LRP1: variants seen among roughly 807,000 people sequenced by gnomAD.
The protein encoded by LRP1 is prolow-density lipoprotein receptor-related protein 1.
A neutral mutation model predicts 541.5 loss-of-function variants in LRP1; 51 were observed. The observed-to-expected ratio is 0.09, with a 90% CI of 0.08 to 0.12. The LOEUF is 0.12. Among genes scored for constraint, LRP1 ranks in the 10% least tolerant of loss-of-function variants. The probability of loss-of-function intolerance (pLI) is 1.00; values close to 1 mark genes in which losing one functional copy is unlikely to be tolerated. For synonymous variants in LRP1, 2,219 were observed against 2,470.8 expected, an observed-to-expected ratio of 0.90 and a Z score of 3.02; for missense variants, 3,878 against 6,376.2, an observed-to-expected ratio of 0.61 and a Z score of 13.34.
chr12:57,143,692 C>T lies in LRP1; in HGVS notation c.342C>T (p.Asn114=). Residue 114 remains asparagine, a synonymous_variant, in exon 4 of 89, where the codon AAC becomes AAT. Transcript: ENST00000243077. ...GCCCCCACACAGAGCTCCAAGGCAACTGCTCTCGCCTGGGCTGCCAGCACC... is the reference window on the plus strand; with the variant it reads ...GCCCCCACACAGAGCTCCAAGGCAATTGCTCTCGCCTGGGCTGCCAGCACC... ...EGPHCRELQG[N]CSRLGCQHHC... 2 of 1,613,668 alleles carry T rather than the reference C, an allele frequency of 1.2e-6. No homozygotes were observed. Among genetic ancestry groups the T allele is most frequent in the Non-Finnish European group, 1.7e-6 (2 of 1,179,628 alleles).
intron 6 of LRP1, among the ~76,000 whole-genome samples, 187 bp downstream of exon 6, chr12:57,145,677 T>C (rs1200185808): frequency 6.6e-6 from 1 of 152,118 alleles, no homozygotes; most frequent in Non-Finnish European, 1.5e-5. Flanking sequence ...CCCTCCCAGC[T>C]CTCTGAGCAA....
At chr12:57,155,332 C>T (rs1479531836) in intron 8 of LRP1, 1 of 163,726 alleles carries the variant, frequency 6.1e-6, no homozygotes, top group Non-Finnish European at 1.3e-5. Flanking sequence ...AGAATGTCCT[C>T]TGTGGACAGA....
rs973275203 is a variant in LRP1, at chr12:57,178,038, C to G, written c.4362-321C>G. Among the ~76,000 whole-genome samples, 4 of 151,670 alleles carry G rather than the reference C, an allele frequency of 2.6e-5. No homozygotes were observed. The highest frequency in any genetic ancestry group is 4.8e-5 in the African/African-American group (2 of 41,304). ...ATCTCGGCTCACTGCAGGCTCCGCCCCCCGGGGTTCACGCTGAGGGTGCCT... is the reference window on the plus strand; with the variant it reads ...ATCTCGGCTCACTGCAGGCTCCGCCGCCCGGGGTTCACGCTGAGGGTGCCT... On this transcript the variant is annotated intron_variant, in intron 26 of 88. Transcript: ENST00000243077. The surrounding 1 kb of genome is among the most constrained non-coding windows in gnomAD (Gnocchi z 5.8).
At chr12:57,149,382 C>T in intron 6 of LRP1, 1 of 540,366 alleles carries the variant, frequency 1.9e-6, no homozygotes. Context: ...CCGGGCCAGC[C>T]CTGTGTCTCC....
In LRP1 at chr12:57,184,511, C is replaced by T. The variant is rs2036230182; in HGVS notation, c.6186+59C>T. ...TAGACCCCTGACCCAGGCTCCTGTTCCCTGTGATGAGCCCATTCTGGGAGG... is the reference window on the plus strand; with the variant it reads ...TAGACCCCTGACCCAGGCTCCTGTTTCCTGTGATGAGCCCATTCTGGGAGG... On this transcript the variant is annotated intron_variant, in intron 38 of 88. Transcript: ENST00000243077. The surrounding 1 kb of genome is among the most constrained non-coding windows in gnomAD (Gnocchi z 7.8). 2 of 1,605,040 alleles carry T rather than the reference C, an allele frequency of 1.2e-6. No homozygotes were observed. The highest frequency in any genetic ancestry group is 1.7e-6 in the Non-Finnish European group (2 of 1,175,956).
intron 1 of LRP1, among the ~76,000 whole-genome samples, chr12:57,137,711 G>A (rs559501759): frequency 1.1e-4 from 16 of 151,936 alleles, no homozygotes; most frequent in African/African-American, 3.4e-4. Context: ...CAGGAGAATC[G>A]CCTGGGCCCA....
In LRP1 at chr12:57,185,078, C is replaced by T; in HGVS notation, c.6339-3C>T. 2.5e-6 allele frequency: 4 copies of T among 1,614,158 alleles called. No homozygotes were observed. Among genetic ancestry groups the T allele is most frequent in the Non-Finnish European group, 3.4e-6 (4 of 1,180,034 alleles). On this transcript the variant is annotated splice_region_variant and splice_polypyrimidine_tract_variant and intron_variant, in intron 39 of 88. Coordinates refer to ENST00000243077, the MANE Select transcript of LRP1 (RefSeq NM_002332.3). The surrounding 1 kb of genome is among the most constrained non-coding windows in gnomAD (Gnocchi z 4.9). ...CCCTGCTTGTGCCCTGTCCTTCCCT[C>T]AGGACTCATGCCAACGGCTCTATCA...
At chr12:57,155,837 A>G (rs1347790866) in intron 8 of LRP1, among the ~76,000 whole-genome samples, 1 of 152,126 alleles carries the variant, frequency 6.6e-6, no homozygotes, top group African/African-American at 2.4e-5. Context: ...TGTAGTCCCA[A>G]CTACTCAGGA....
chr12:57,150,589 C>G (rs1197958198), intron 6 of LRP1, among the ~76,000 whole-genome samples: 1 of 152,140 alleles, frequency 6.6e-6, no homozygotes, highest in Non-Finnish European at 1.5e-5. Context: ...ACCTGGAGGG[C>G]CCACCTAGAG....
intron 6 of LRP1, among the ~76,000 whole-genome samples, chr12:57,150,348 C>T (rs1402346028): frequency 5.9e-5 from 9 of 152,112 alleles, no homozygotes; most frequent in African/African-American, 1.4e-4. Context: ...CCCGCCACCA[C>T]GCCTGGCTAA....
In LRP1 at chr12:57,199,345, C is replaced by T. The variant is rs145068367; in HGVS notation, c.9810C>T (p.Ser3270=). 2.1e-5 allele frequency: 34 copies of T among 1,613,064 alleles called. No homozygotes were observed. The highest frequency in any genetic ancestry group is 2.6e-5 in the Non-Finnish European group (31 of 1,179,918). The change falls in exon 61 of 89, where the codon AGC becomes AGT. Residue 3270 remains serine, a synonymous_variant. Coordinates refer to ENST00000243077, the MANE Select transcript of LRP1 (RefSeq NM_002332.3). ...TTGTNKTLLI[S]TLHRPMDLHV... ...GCACCAACAAAACGCTCCTCATCAG[C>T]ACGCTGCACCGGCCCATGGACCTGC... is the stretch of plus-strand genomic sequence containing the variant.
chr12:57,177,382 T>C lies in LRP1; in HGVS notation c.4197-45T>C, dbSNP rs779912776. 1.5e-5 allele frequency: 24 copies of C among 1,561,490 alleles called. No homozygotes were observed. The highest frequency in any genetic ancestry group is 2.0e-5 in the Non-Finnish European group (23 of 1,149,152). ...CTACGATCCCACCACAGTCGCTCCCTGAGGGCCCTGACTTTAGCCCTCCTG... is the reference window on the plus strand; with the variant it reads ...CTACGATCCCACCACAGTCGCTCCCCGAGGGCCCTGACTTTAGCCCTCCTG... On this transcript the variant is annotated intron_variant, in intron 25 of 88. Transcript: ENST00000243077. This position sits in a 1 kb window ranked among gnomAD's most constrained non-coding sequence, Gnocchi z 6.8.
In LRP1 at chr12:57,156,854, C is replaced by A; in HGVS notation, c.1495C>A (p.His499Asn). 6.2e-7 allele frequency: 1 copy of A among 1,602,266 alleles called. No homozygotes were observed. Among genetic ancestry groups the A allele is most frequent in the Non-Finnish European group, 8.5e-7 (1 of 1,177,188 alleles). ...TGACATCTGCCTGCTGGCCAACAGC[C>A]ACAAGGCGCGGACCTGCCGCTGCCG... Reference protein sequence around the residue: ...CSDICLLANSHKARTCRCRSG... With the variant: ...CSDICLLANSNKARTCRCRSG... The change falls in exon 10 of 89, where the codon CAC (histidine) becomes AAC (asparagine). Residue 499 changes from histidine to asparagine, a missense_variant. Around this residue, in one of 13 missense-constraint regions of LRP1, gnomAD observed 496 missense variants for 861.0 expected, o/e 0.58. Transcript: ENST00000243077. This position sits in a 1 kb window ranked among gnomAD's most constrained non-coding sequence, Gnocchi z 5.2.
chr12:57,158,496 G>T lies in LRP1; in HGVS notation c.1656G>T (p.Met552Ile), dbSNP rs1300376436. 1 of 1,614,072 alleles carries T rather than the reference G, an allele frequency of 6.2e-7. No homozygotes were observed. Among genetic ancestry groups the T allele is most frequent in the African/African-American group, 1.3e-5 (1 of 74,930 alleles). The change falls in exon 11 of 89, where the codon ATG (methionine) becomes ATT (isoleucine). Residue 552 changes from methionine (M) to isoleucine (I), a missense_variant. Coordinates refer to ENST00000243077, the MANE Select transcript of LRP1 (RefSeq NM_002332.3). The surrounding 1 kb of genome is among the most constrained non-coding windows in gnomAD (Gnocchi z 5.3). ...GGGCCAAGGTCCCGGATGAGCACAT[G>T]ATCCCCATTGAAAACCTCATGAACC... The part of the protein sequence containing the change: ...DMGAKVPDEH[M>I]IPIENLMNPR...
chr12:57,149,553 G>A (rs2035485019), intron 6 of LRP1: 1 of 675,502 alleles, frequency 1.5e-6, no homozygotes. Context: ...TCTCAATAGA[G>A]GGAAGACCCT....
intron 4 of LRP1, 35 bp downstream of exon 4, chr12:57,143,833 G>A (rs751258313): frequency 6.3e-7 from 1 of 1,590,552 alleles, no homozygotes; most frequent in South Asian, 1.1e-5. Flanking sequence ...GCATGTGTGT[G>A]TGCCAGTAGC....
rs1436396359 is a variant in LRP1, at chr12:57,205,802, AT to A, written c.11590+126del. 1 of 1,392,610 alleles carries A rather than the reference AT, an allele frequency of 7.2e-7. No homozygotes were observed. Among genetic ancestry groups the A allele is most frequent in the Non-Finnish European group, 9.7e-7 (1 of 1,035,566 alleles). 86.3% of individuals were successfully genotyped at this position (1,392,610 alleles called of 1,614,324 possible). A position where few individuals can be genotyped will look rare whatever the true frequency, so the allele number is the denominator to read the frequency against. On this transcript the variant is annotated intron_variant, in intron 75 of 88. Coordinates refer to ENST00000243077, the MANE Select transcript of LRP1 (RefSeq NM_002332.3). This position sits in a 1 kb window ranked among gnomAD's most constrained non-coding sequence, Gnocchi z 4.6. The stretch of plus-strand genomic sequence containing the variant: ...TGCCCAGACAAGAAGCCCCAGACTC[AT>A]AGTTGCAGCTGCCTGAGCACAGTGC...
At chr12:57,166,059 G>A (rs1457429361) in intron 16 of LRP1, 25 bp from the exon 17 acceptor site, 1 of 1,613,852 alleles carries the variant, frequency 6.2e-7, no homozygotes, top group South Asian at 1.1e-5. Flanking sequence ...ACTTCTCGCT[G>A]ACCCCTGACT....
At position 57,200,468 on chromosome 12, in the gene LRP1, C is replaced by G; in HGVS notation, c.10041C>G (p.Ile3347Met). The change falls in exon 63 of 89, where the codon ATC becomes ATG. Residue 3347 changes from isoleucine (I) to methionine (M), a missense_variant. Physicochemically the swap from Ile to Met is conservative, Grantham distance 10 (BLOSUM62 1). Around this residue, in one of 13 missense-constraint regions of LRP1, gnomAD observed 278 missense variants for 536.3 expected, o/e 0.52. Coordinates refer to ENST00000243077, the MANE Select transcript of LRP1 (RefSeq NM_002332.3). ...SQFVCKNDKC[I>M]PFWWKCDTED... ...TTGTATGCAAGAACGACAAGTGCAT[C>G]CCCTTCTGGTGGAAGTGTGACACCG... 6.8e-7 allele frequency: 1 copy of G among 1,459,980 alleles called. No individual in the cohort carries two copies. The highest frequency in any genetic ancestry group is 9.2e-7 in the Non-Finnish European group (1 of 1,082,494). The allele number at this position is 1,459,980 out of a possible 1,614,324, so 90.4% of individuals were successfully genotyped here. A position where few individuals can be genotyped will look rare whatever the true frequency, so the allele number is the denominator to read the frequency against.
Sources: allele counts gnomAD v4.1 joint callset (sites outside exome capture counted in the v4.1 genomes callset), GRCh38; gene constraint gnomAD v4.1.1; regional missense constraint gnomAD v4.1.1; non-coding constraint Gnocchi (gnomAD v3.1); transcripts MANE v1.5; gene names NCBI Gene and HGNC (gene_info 2026-07-23, HGNC 2026-07-21).